The following HMGCL variants were observed in gnomAD, a reference collection of about 807,000 sequenced individuals.
HMGCL encodes the protein 3-hydroxy-3-methylglutaryl-CoA lyase.
In HMGCL, 26 loss-of-function variants were observed where a neutral mutation model predicts 37.3. The observed-to-expected ratio is 0.70, with a 90% CI of 0.51 to 0.97. HMGCL has a LOEUF of 0.97. Ranked by LOEUF, HMGCL falls within the 50% of genes least tolerant of loss-of-function variation. The pLI is 0.00. For synonymous variants in HMGCL, 151 were observed against 148.0 expected, an observed-to-expected ratio of 1.02 and a Z score of -0.15; for missense variants, 379 against 398.1, an observed-to-expected ratio of 0.95 and a Z score of 0.41.
intron 6 of HMGCL, among the ~76,000 whole-genome samples, chr1:23,808,680 T>A (rs1638457627): frequency 6.6e-6 from 1 of 152,078 alleles, no homozygotes; most frequent in Non-Finnish European, 1.5e-5. Flanking sequence ...TTCCATGTCG[T>A]TTTATCCTCA....
chr1:23,807,025 C>A (rs576875876), intron 7 of HMGCL: 1 of 519,014 alleles, frequency 1.9e-6, no homozygotes, highest in Non-Finnish European at 3.8e-6. Context: ...AGACGTCACA[C>A]AGCTCAACCT....
chr1:23,809,893 G>C (rs1211626846), intron 6 of HMGCL: 1 of 152,414 alleles, frequency 6.6e-6, no homozygotes, highest in Non-Finnish European at 1.5e-5. Flanking sequence ...TGGCCTTTAG[G>C]GGGCAGCAGG....
intron 7 of HMGCL, among the ~76,000 whole-genome samples, chr1:23,804,876 A>ACCCCCCCCCCCCCCCCCCCCCCCC (rs138996016): frequency 1.6e-5 from 1 of 61,284 alleles, no homozygotes; most frequent in Non-Finnish European, 3.2e-5. Context: ...TTCATTTATT[A>ACCCCCCCCCCCCCCCCCCCCCCCC]CCCCCCCCCC....
At chr1:23,819,856 C>G (rs572069562) in intron 2 of HMGCL, among the ~76,000 whole-genome samples, 9 of 152,088 alleles carry the variant, frequency 5.9e-5, no homozygotes, top group Admixed American at 5.2e-4. Context: ...GAGCCACCAC[C>G]ATGCCCAGTC....
chr1:23,809,374 G>A (rs1417926046), intron 6 of HMGCL: 1 of 150,866 alleles, frequency 6.6e-6, no homozygotes, highest in Non-Finnish European at 1.5e-5. Flanking sequence ...GAGTAGCTGG[G>A]ACTACCGGCG....
chr1:23,808,193 G>A lies in HMGCL; in HGVS notation c.692C>T (p.Ala231Val). The stretch of plus-strand genomic sequence containing the variant: ...ACCATAGGTGTCATGGCAGTGGACA[G>A]CCAGGGCAGCCAGAGGCACTTCCTG... Reference protein sequence around the residue: ...VMQEVPLAALAVHCHDTYGQA... With the variant: ...VMQEVPLAALVVHCHDTYGQA... Residue 231 changes from alanine to valine, a missense_variant, in exon 7 of 9, where the codon GCT (alanine) becomes GTT (valine). Ala to Val is a moderately conservative substitution (Grantham distance 64). Transcript: ENST00000374490. 6.2e-7 allele frequency: 1 copy of A among 1,614,120 alleles called. No homozygotes were observed.
Position 23,801,885 on chromosome 1 carries a change from TTA to T in HMGCL, c.*576_*577del, listed in dbSNP as rs2148415349. The T allele has an allele frequency of 2.4e-6, 1 of 414,760 alleles. No homozygotes were observed. The highest frequency in any genetic ancestry group is 4.3e-6 in the Non-Finnish European group (1 of 234,186). 25.7% of individuals were successfully genotyped at this position (414,760 alleles called of 1,614,324 possible). A position where few individuals can be genotyped will look rare whatever the true frequency, so the allele number is the denominator to read the frequency against. The stretch of plus-strand genomic sequence containing the variant: ...ACAGCTGCACAACCGAATGCTGGAA[TTA>T]TGATGTGCCATTCAACCTTTAATTA... On this transcript the variant is annotated 3_prime_UTR_variant, in exon 9 of 9. Coordinates refer to ENST00000374490, the MANE Select transcript of HMGCL (RefSeq NM_000191.3).
intron 7 of HMGCL, 117 bp downstream of exon 7, chr1:23,808,018 T>C (rs1381635911): frequency 1.1e-5 from 10 of 931,514 alleles, no homozygotes; most frequent in Middle Eastern, 3.2e-4. Flanking sequence ...GTGTCCACCA[T>C]TGCCAGCTTG....
intron 2 of HMGCL, among the ~76,000 whole-genome samples, chr1:23,818,642 T>G (rs1638657725): frequency 1.3e-5 from 2 of 151,810 alleles, no homozygotes; most frequent in African/African-American, 2.4e-5. Context: ...ACCTCCGCCT[T>G]CCGGGTTCAA....
In HMGCL at chr1:23,814,246, A is replaced by G. The variant is rs777819749; in HGVS notation, c.441T>C (p.Phe147=). The stretch of plus-strand genomic sequence containing the variant: ...CCTTCAGGATTGCGTCAAACCTCTG[A>G]AAACTCTCCTCTATGGAACAATTGA... ...KNINCSIEES[F]QRFDAILKAA... Residue 147 remains phenylalanine (F), a synonymous_variant, in exon 5 of 9, where the codon TTT becomes TTC. Coordinates refer to ENST00000374490, the MANE Select transcript of HMGCL (RefSeq NM_000191.3). 6.2e-7 allele frequency: 1 copy of G among 1,614,144 alleles called. No homozygotes were observed. Among genetic ancestry groups the G allele is most frequent in the East Asian group, 2.2e-5 (1 of 44,888 alleles).
At chr1:23,813,227 G>GTTTTT (rs58260499) in intron 5 of HMGCL, among the ~76,000 whole-genome samples, 111 of 70,788 alleles carry the variant, frequency 1.6e-3, no homozygotes, top group African/African-American at 1.8e-3. Context: ...TGGCTGCAAT[G>GTTTTT]TTTTTTTTTT....
chr1:23,814,122 C>T, intron 5 of HMGCL, 68 bp downstream of exon 5: 4 of 1,572,582 alleles, frequency 2.5e-6, no homozygotes, highest in Non-Finnish European at 3.5e-6. Context: ...AGGAGGACCA[C>T]TTGAGTCAGA....
chr1:23,804,489 G>T lies in HMGCL; in HGVS notation c.787C>A (p.Leu263Ile), dbSNP rs1025294353. Residue 263 changes from leucine to isoleucine, a missense_variant, in exon 8 of 9, where the codon CTT becomes ATT. Leu to Ile is a conservative substitution (Grantham distance 5). Transcript: ENST00000374490. ...CCCTGTGCGTAGGGACAGCCTCCAAGTCCTGCCACAGAAGAGTCCACGACA... is the reference window on the plus strand; with the variant it reads ...CCCTGTGCGTAGGGACAGCCTCCAATTCCTGCCACAGAAGAGTCCACGACA... The part of the protein sequence containing the change: ...VSVVDSSVAG[L>I]GGCPYAQGAS... 4 of 1,613,904 alleles carry T rather than the reference G, an allele frequency of 2.5e-6. No homozygotes were observed. The highest frequency in any genetic ancestry group is 3.4e-6 in the Non-Finnish European group (4 of 1,179,942).
chr1:23,815,488 T>C (rs1404561630), intron 4 of HMGCL, among the ~76,000 whole-genome samples: 1 of 143,836 alleles, frequency 7.0e-6, no homozygotes, highest in Non-Finnish European at 1.5e-5. Context: ...TAGTGCTTTC[T>C]TTTTTTTTTT....
chr1:23,803,381 T>C (rs1398396244), intron 8 of HMGCL, among the ~76,000 whole-genome samples: 1 of 152,206 alleles, frequency 6.6e-6, no homozygotes, highest in East Asian at 1.9e-4. Flanking sequence ...TTTGTATTTT[T>C]AGTAGAGATG....
intron 2 of HMGCL, among the ~76,000 whole-genome samples, chr1:23,819,279 A>G (rs77622769): frequency 0.019 from 2,956 of 152,250 alleles, 97 homozygotes; most frequent in African/African-American, 0.067. Context: ...GTCACATCTC[A>G]AGTTCTCAAG....
chr1:23,808,159 C>G lies in HMGCL; in HGVS notation c.726G>C (p.Leu242=), dbSNP rs1557487628. The G allele has an allele frequency of 6.2e-7, 1 of 1,614,144 alleles. No homozygotes were observed. The change falls in exon 7 of 9, where the codon CTG becomes CTC. Residue 242 remains leucine, a synonymous_variant. Transcript: ENST00000374490. ...VHCHDTYGQA[L]ANTLMALQMG... is the part of the protein sequence containing the mutation. The stretch of plus-strand genomic sequence containing the variant: ...CCTGCAGGGCCATCAAGGTGTTGGC[C>G]AGGGCTTGACCATAGGTGTCATGGC...
intron 2 of HMGCL, among the ~76,000 whole-genome samples, chr1:23,819,869 A>G (rs1638681402): frequency 6.6e-6 from 1 of 152,152 alleles, no homozygotes; most frequent in Non-Finnish European, 1.5e-5. Flanking sequence ...GCCCAGTCAC[A>G]TGTACTATTT....
intron 6 of HMGCL, among the ~76,000 whole-genome samples, chr1:23,809,044 C>T (rs2148419665): frequency 2.7e-5 from 4 of 147,852 alleles, no homozygotes; most frequent in Admixed American, 1.4e-4. Flanking sequence ...TAGCTGGGAT[C>T]ATAGGCACCT....
Sources: gnomAD v4.1 joint callset for allele counts (sites outside exome capture counted in the v4.1 genomes callset) on GRCh38, gnomAD v4.1.1 for gene constraint, MANE v1.5 for transcripts, NCBI Gene and HGNC (gene_info 2026-07-23, HGNC 2026-07-21) for gene names.